Variants in ARHGAP4 observed in about 807,000 individuals in gnomAD.
ARHGAP4 encodes Rho GTPase activating protein 4.
Under a neutral mutation model 67.6 loss-of-function variants are expected in ARHGAP4, and 25 were observed. The ratio of observed to expected loss-of-function variants is 0.37; its 90% CI spans 0.27 to 0.52. The LOEUF (loss-of-function observed/expected upper bound fraction) is 0.52, where lower values mean the gene tolerates loss of function less well. Ranked by LOEUF, ARHGAP4 falls within the 20% of genes least tolerant of loss-of-function variation. The pLI is 0.92. For missense variants in ARHGAP4, 804 were observed against 854.6 expected (o/e 0.94, Z 0.74); for synonymous variants, 448 against 373.7 (o/e 1.20, Z -2.29).
Position 153,919,022 on chromosome X carries a change from C to A in ARHGAP4, c.842G>T (p.Gly281Val). The A allele has an allele frequency of 8.3e-7, 1 of 1,211,569 alleles. No individual in the cohort carries two copies. Among genetic ancestry groups the A allele is most frequent in the Non-Finnish European group, 1.1e-6 (1 of 895,437 alleles). The change falls in exon 7 of 22, where the codon GGG becomes GTG. Residue 281 changes from glycine to valine, a missense_variant. Gly to Val is a moderately radical substitution (Grantham distance 109). Coordinates refer to ENST00000350060, the MANE Select transcript of ARHGAP4 (RefSeq NM_001666.5). ...GGCCGTGTAGCTCCGGAGCACCTGC[C>A]CCAGGGCCAGGTGGAACCCTGTGTC... ...CCDTGFHLAL[G>V]QVLRSYTAAE...
At chrX:153,916,367 C>T (rs1225910763) in intron 7 of ARHGAP4, among the ~76,000 whole-genome samples, 2 of 113,362 alleles carry the variant, frequency 1.8e-5, no homozygotes, top group Non-Finnish European at 3.7e-5. Context: ...TTCCACTACC[C>T]TCTCACTGAG....
In ARHGAP4 at chrX:153,913,053, T is replaced by A; in HGVS notation, c.1412-2A>T. 8.4e-7 allele frequency: 1 copy of A among 1,190,903 alleles called. No individual in the cohort carries two copies. The highest frequency in any genetic ancestry group is 1.7e-5 in the African/African-American group (1 of 57,257). On this transcript the variant is annotated splice_acceptor_variant, in intron 10 of 21. Transcript: ENST00000350060. LOFTEE classifies it high-confidence loss of function. ...ACACCTCCTGCTCCTCCTTGTCACC[T>A]GTGGGGTGGGAGAACATTGGTCTGC...
At chrX:153,925,846 A>G (rs1415942468) in intron 1 of ARHGAP4, among the ~76,000 whole-genome samples, 1 of 112,993 alleles carries the variant, frequency 8.9e-6, no homozygotes, top group Non-Finnish European at 1.9e-5. Context: ...GCTCTCTTTT[A>G]CCAGCGGCCA....
At chrX:153,920,127 C>T (rs782298576) in intron 5 of ARHGAP4, among the ~76,000 whole-genome samples, 1 of 111,854 alleles carries the variant, frequency 8.9e-6, no homozygotes, top group Non-Finnish European at 1.9e-5. Context: ...GACCTTCCCC[C>T]AACACAGCCA....
intron 3 of ARHGAP4, 41 bp from the exon 4 acceptor site, chrX:153,921,200 C>G: frequency 8.5e-7 from 1 of 1,183,233 alleles, no homozygotes; most frequent in South Asian, 1.8e-5. Context: ...CTGCCCAGAG[C>G]GGCCCCGCCA....
chrX:153,918,720 T>C, intron 7 of ARHGAP4, 112 bp downstream of exon 7: 1 of 852,951 alleles, frequency 1.2e-6, no homozygotes, highest in Non-Finnish European at 1.7e-6. Context: ...CCGCACTGCC[T>C]GAGACCATGG....
intron 7 of ARHGAP4, 113 bp from the exon 8 acceptor site, chrX:153,913,992 G>A: frequency 4.8e-6 from 3 of 621,328 alleles, no homozygotes; most frequent in Non-Finnish European, 7.7e-6. Context: ...CCGGGCACAG[G>A]ACCACCAGCC....
chrX:153,913,175 C>T (rs1557103683), intron 10 of ARHGAP4, 43 bp downstream of exon 10: 1 of 1,164,016 alleles, frequency 8.6e-7, no homozygotes, highest in East Asian at 3.2e-5. Flanking sequence ...AGACAGGGTC[C>T]TGGGCAGGGG....
rs890589355 is a variant in ARHGAP4, at chrX:153,917,686, C to T, written c.1032+1146G>A. Among the ~76,000 whole-genome samples the T allele has an allele frequency of 2.7e-5, 3 of 111,745 alleles. No individual in the cohort carries two copies. In the South Asian group the frequency reaches 1.1e-3, roughly 41 times the overall value. On this transcript the variant is annotated intron_variant, in intron 7 of 21. Transcript: ENST00000350060. ...TGGGAGGACCAGAAGGTTGCATCTG[C>T]AGTGAGCTGAGATCACATCACACCC...
chrX:153,919,409 G>A (rs1182284386), intron 5 of ARHGAP4, 126 bp from the exon 6 acceptor site: 10 of 1,156,982 alleles, frequency 8.6e-6, no homozygotes, highest in Non-Finnish European at 1.2e-5. Context: ...GTCAAGCCCA[G>A]AAGTCCTGCT....
rs781993078 is a variant in ARHGAP4, at chrX:153,912,814, G to A, written c.1440-12C>T. 1 of 1,195,613 alleles carries A rather than the reference G, an allele frequency of 8.4e-7. No homozygotes were observed. Among genetic ancestry groups the A allele is most frequent in the Non-Finnish European group, 1.1e-6 (1 of 882,923 alleles). On this transcript the variant is annotated splice_polypyrimidine_tract_variant and intron_variant, in intron 11 of 21. Transcript: ENST00000350060. ...GTGTGTACTGGGTCCTGCAGTGAAT[G>A]GGAGCTGGCTCTGAGGGGGCCAGGT...
chrX:153,925,596 C>T (rs1557106003), intron 1 of ARHGAP4, among the ~76,000 whole-genome samples: 1 of 112,855 alleles, frequency 8.9e-6, no homozygotes, highest in East Asian at 2.8e-4. Context: ...TGTTAAATCT[C>T]TCAACCAAGA....
chrX:153,914,466 C>T (rs931234582), intron 7 of ARHGAP4, among the ~76,000 whole-genome samples: 4 of 112,185 alleles, frequency 3.6e-5, no homozygotes, highest in Non-Finnish European at 5.6e-5. Flanking sequence ...GAGGCTGAGG[C>T]GGATGGATTA....
rs781981304 is a variant in ARHGAP4 at position 153,917,247 on chromosome X, A to T, written c.1032+1585T>A. ...TAAATAAATAAAATAAATTAAATTT[A>T]AAAAATTAAAAAATTAGCCAGGTGT... On this transcript the variant is annotated intron_variant, in intron 7 of 21. Coordinates refer to ENST00000350060, the MANE Select transcript of ARHGAP4 (RefSeq NM_001666.5). Among the ~76,000 whole-genome samples, 498 of 109,486 alleles carry T rather than the reference A, an allele frequency of 4.5e-3. 2 individuals are homozygous for T. The highest frequency in any genetic ancestry group is 7.2e-3 in the Non-Finnish European group (379 of 52,530).
intron 6 of ARHGAP4, 49 bp downstream of exon 6, chrX:153,919,106 A>G: frequency 2.5e-6 from 3 of 1,210,596 alleles, no homozygotes. Context: ...ACAGCTTCCC[A>G]GCCCCGAGGC....
At chrX:153,908,944 G>T in intron 21 of ARHGAP4, 126 bp downstream of exon 21, 1 of 686,876 alleles carries the variant, frequency 1.5e-6, no homozygotes. Context: ...CTGGCGGCAG[G>T]TTCCCTTGAG....
rs782533145 is a variant in ARHGAP4, at chrX:153,910,742, G to C, written c.1774C>G (p.Leu592Val). Residue 592 changes from leucine (L) to valine (V), a missense_variant, in exon 15 of 22, where the codon CTC (leucine) becomes GTC (valine). By Grantham distance (32) the Leu-to-Val change is conservative. This residue lies in a region of ARHGAP4 where 400 missense variants were observed against 348.7 expected (regional missense o/e 1.15). Coordinates refer to ENST00000350060, the MANE Select transcript of ARHGAP4 (RefSeq NM_001666.5). Reference protein sequence around the residue: ...KLYFRSLEPPLFPPDLFGELL... With the variant: ...KLYFRSLEPPVFPPDLFGELL... The stretch of plus-strand genomic sequence containing the variant: ...TCGCCGAACAGGTCTGGGGGGAAGA[G>C]TGGGGGCTCCAGGCTCCGGAAGTAG... The C allele has an allele frequency of 1.7e-6, 2 of 1,194,447 alleles. No homozygotes were observed. Among genetic ancestry groups the C allele is most frequent in the South Asian group, 1.8e-5 (1 of 54,306 alleles).
intron 7 of ARHGAP4, among the ~76,000 whole-genome samples, chrX:153,916,184 C>T (rs1401053824): frequency 8.8e-6 from 1 of 113,036 alleles, no homozygotes; most frequent in African/African-American, 3.2e-5. Flanking sequence ...AAGTGACTGT[C>T]ACTTCCTTGC....
At chrX:153,909,370 A>G in intron 20 of ARHGAP4, 73 bp downstream of exon 20, 1 of 1,072,019 alleles carries the variant, frequency 9.3e-7, no homozygotes, top group Non-Finnish European at 1.2e-6. Flanking sequence ...CCCACTGGCC[A>G]AAGCCTGACC....
Sources: allele counts gnomAD v4.1 joint callset (sites outside exome capture counted in the v4.1 genomes callset), GRCh38; gene constraint gnomAD v4.1.1; regional missense constraint gnomAD v4.1.1; transcripts MANE v1.5; gene names NCBI Gene and HGNC (gene_info 2026-07-23, HGNC 2026-07-21).